Variants in RAPH1 observed in about 807,000 individuals in gnomAD.
The protein encoded by RAPH1 is Ras association (RalGDS/AF-6) and pleckstrin homology domains 1, also known as ras-associated and pleckstrin homology domains-containing protein 1.
RAPH1 carries 18 observed loss-of-function variants against 88.1 expected under a neutral mutation model. That is an observed-to-expected ratio of 0.20 (90% confidence interval 0.14 to 0.30). The LOEUF (loss-of-function observed/expected upper bound fraction) is 0.30. Ranked by LOEUF, RAPH1 falls within the 10% of genes least tolerant of loss-of-function variation. RAPH1 has a pLI of 1.00. For synonymous variants in RAPH1, 587 were observed against 559.0 expected, an observed-to-expected ratio of 1.05 and a Z score of -0.71; for missense variants, 1,448 against 1,543.2, an observed-to-expected ratio of 0.94 and a Z score of 1.03.
intron 4 of RAPH1, among the ~76,000 whole-genome samples, chr2:203,473,573 G>A (rs2098534967): frequency 6.6e-6 from 1 of 151,996 alleles, no homozygotes; most frequent in South Asian, 2.1e-4. Context: ...GATTACAGGG[G>A]AAAAAAATCA....
At position 203,459,792 on chromosome 2, in the gene RAPH1, A is replaced by G. The variant is rs1052328176; in HGVS notation, c.1092+115T>C. ...AGATGATGCTCCTATAGGATTTTGC[A>G]GGTATATCGCTCCAACCAGGTGTTT... On this transcript the variant is annotated intron_variant, in intron 7 of 13. Coordinates refer to ENST00000319170, the MANE Select transcript of RAPH1 (RefSeq NM_213589.3). 8.6e-6 allele frequency: 9 copies of G among 1,046,366 alleles called. No individual in the cohort carries two copies. The African/African-American group carries it at 9.8e-5, about 11-fold the overall frequency. The allele number at this position is 1,046,366 out of a possible 1,614,324, so 64.8% of individuals were successfully genotyped here.
rs763735384 is a variant in RAPH1, at chr2:203,439,544, C to T, written c.3646G>A (p.Ala1216Thr). 6.8e-6 allele frequency: 11 copies of T among 1,614,166 alleles called. No individual in the cohort carries two copies. In the South Asian group the frequency reaches 1.2e-4, roughly 18 times the overall value. The change falls in exon 14 of 14, where the codon GCT (alanine) becomes ACT (threonine). Residue 1216 changes from alanine (A) to threonine (T), a missense_variant. Ala to Thr is a moderately conservative substitution (Grantham distance 58). Around this residue, in one of 2 missense-constraint regions of RAPH1, gnomAD observed 935 missense variants for 890.1 expected, o/e 1.05. Coordinates refer to ENST00000319170, the MANE Select transcript of RAPH1 (RefSeq NM_213589.3). ...GATATATGACTGCCTCCGTAACCAG[C>T]CTTCTGTTGATCAGACAGCAGTTCA... ...PPELLSDQQK[A>T]GYGGSHISGY...
intron 12 of RAPH1, chr2:203,447,199 T>TTTTG (rs1272376323): frequency 6.8e-6 from 1 of 147,444 alleles, no homozygotes; most frequent in African/African-American, 2.5e-5. Context: ...TTTTTTTTTT[T>TTTTG]GAAGAATGGT....
At chr2:203,469,716 G>T (rs749312146) in intron 4 of RAPH1, among the ~76,000 whole-genome samples, 1 of 152,152 alleles carries the variant, frequency 6.6e-6, no homozygotes, top group African/African-American at 2.4e-5. Context: ...AATCTGGCTG[G>T]ACTGATTCAA....
At chr2:203,489,534 C>T in intron 4 of RAPH1, 50 bp downstream of exon 4, 1 of 1,292,330 alleles carries the variant, frequency 7.7e-7, no homozygotes, top group Non-Finnish European at 1.0e-6. Flanking sequence ...AATATAATTT[C>T]TCCTTTATTT....
At chr2:203,532,589 C>T (rs779661650) in intron 1 of RAPH1, among the ~76,000 whole-genome samples, 9 of 152,162 alleles carry the variant, frequency 5.9e-5, no homozygotes, top group Non-Finnish European at 1.0e-4. Flanking sequence ...AAATAATAGA[C>T]TCTATTTCAT....
intron 13 of RAPH1, chr2:203,441,929 G>GA: frequency 7.3e-7 from 1 of 1,368,068 alleles, no homozygotes; most frequent in South Asian, 2.1e-5. Context: ...GCTGACACAG[G>GA]AGAGTATGAG....
intron 1 of RAPH1, among the ~76,000 whole-genome samples, chr2:203,498,680 C>T (rs902282843): frequency 6.6e-6 from 1 of 152,026 alleles, no homozygotes; most frequent in Non-Finnish European, 1.5e-5. Flanking sequence ...AGGTTTAAAT[C>T]CTGGACTTCT....
intron 4 of RAPH1, among the ~76,000 whole-genome samples, chr2:203,483,198 T>G (rs1687808519): frequency 6.6e-6 from 1 of 152,224 alleles, no homozygotes; most frequent in African/African-American, 2.4e-5. Flanking sequence ...CTGACTTATC[T>G]TTCAAAAGGA....
chr2:203,470,447 T>C (rs2098532036), intron 4 of RAPH1: 1 of 543,890 alleles, frequency 1.8e-6, no homozygotes, highest in African/African-American at 2.0e-5. Flanking sequence ...TTCCCTAAGT[T>C]GAGTGAAATA....
At chr2:203,499,375 A>G (rs755255103) in intron 1 of RAPH1, among the ~76,000 whole-genome samples, 1 of 151,902 alleles carries the variant, frequency 6.6e-6, no homozygotes, top group Non-Finnish European at 1.5e-5. Flanking sequence ...ACTTTTGCCA[A>G]TTTTGTCCTA....
chr2:203,522,913 A>G (rs924909226), intron 1 of RAPH1, among the ~76,000 whole-genome samples: 379 of 151,182 alleles, frequency 2.5e-3, no homozygotes, highest in African/African-American at 6.5e-3. Context: ...AAAAAAAAAA[A>G]AAAGAAAAAG....
intron 4 of RAPH1, among the ~76,000 whole-genome samples, chr2:203,487,290 T>C (rs1272660343): frequency 6.6e-6 from 1 of 152,144 alleles, no homozygotes; most frequent in Non-Finnish European, 1.5e-5. Flanking sequence ...GCTCATATCC[T>C]AGCAGGTAAA....
Position 203,455,456 on chromosome 2 carries a change from A to T in RAPH1, c.1283T>A (p.Val428Asp). The change falls in exon 9 of 14, where the codon GTT (valine) becomes GAT (aspartate). Residue 428 changes from valine (V) to aspartate (D), a missense_variant. Physicochemically the swap from Val to Asp is radical, Grantham distance 152. Transcript: ENST00000319170. ...ACACACCTTTGCTTTTCCTTTGGGA[A>T]CATAGTAGATACCAGATGCTCGCAA... Reference protein sequence around the residue: ...FLLRASGIYYVPKGKAKVSRD... With the variant: ...FLLRASGIYYDPKGKAKVSRD... 6.2e-7 allele frequency: 1 copy of T among 1,613,804 alleles called. No individual in the cohort carries two copies. Among genetic ancestry groups the T allele is most frequent in the Non-Finnish European group, 8.5e-7 (1 of 1,179,842 alleles).
chr2:203,468,983 C>G (rs2098530892), intron 4 of RAPH1, among the ~76,000 whole-genome samples: 1 of 152,134 alleles, frequency 6.6e-6, no homozygotes, highest in African/African-American at 2.4e-5. Flanking sequence ...GCATCCTAAA[C>G]AGAAACAGAA....
chr2:203,488,615 A>AC (rs1482498647), intron 4 of RAPH1, among the ~76,000 whole-genome samples: 54 of 149,208 alleles, frequency 3.6e-4, no homozygotes, highest in Non-Finnish European at 6.7e-4. Flanking sequence ...AAAAAAAAAA[A>AC]AAACCTGTTT....
At chr2:203,477,336 T>C (rs966545643) in intron 4 of RAPH1, among the ~76,000 whole-genome samples, 3 of 152,182 alleles carry the variant, frequency 2.0e-5, no homozygotes, top group African/African-American at 7.2e-5. Flanking sequence ...ATTATAAAGG[T>C]AAGACCCAGA....
chr2:203,439,409 A>AT lies in RAPH1; in HGVS notation c.*27dup. 1 of 1,600,008 alleles carries AT rather than the reference A, an allele frequency of 6.2e-7. No individual in the cohort carries two copies. The highest frequency in any genetic ancestry group is 1.1e-5 in the South Asian group (1 of 90,090). On this transcript the variant is annotated 3_prime_UTR_variant, in exon 14 of 14. Transcript: ENST00000319170. ...GAGCTGATTGTAGCAGTGATTACAGATATCATGAAAATAAAGTCCTATGGT... is the reference window on the plus strand; with the variant it reads ...GAGCTGATTGTAGCAGTGATTACAGATTATCATGAAAATAAAGTCCTATGGT...
intron 1 of RAPH1, among the ~76,000 whole-genome samples, chr2:203,525,318 T>C (rs1028778942): frequency 4.6e-5 from 7 of 152,164 alleles, no homozygotes; most frequent in African/African-American, 1.7e-4. Flanking sequence ...CCAGAGTAGC[T>C]GGGATTACAG....
Sources: gnomAD v4.1 joint callset for allele counts (sites outside exome capture counted in the v4.1 genomes callset) on GRCh38, gnomAD v4.1.1 for gene constraint, gnomAD v4.1.1 regional missense constraint, MANE v1.5 for transcripts, NCBI Gene and HGNC (gene_info 2026-07-23, HGNC 2026-07-21) for gene names.